Variants in PARD3B observed in about 807,000 individuals in gnomAD.
PARD3B encodes par-3 family cell polarity regulator beta.
Under a neutral mutation model 130.2 loss-of-function variants are expected in PARD3B, and 103 were observed. That is an observed-to-expected ratio of 0.79 (90% CI 0.67 to 0.93). The LOEUF is 0.93. Ranked by LOEUF, PARD3B falls within the 40% of genes least tolerant of loss-of-function variation. The pLI, the probability that PARD3B is intolerant of heterozygous loss-of-function variation, is 0.00. For missense variants in PARD3B, 1,609 were observed against 1,499.2 expected, an observed-to-expected ratio of 1.07 and a Z score of -1.21; for synonymous variants, 583 against 553.2, an observed-to-expected ratio of 1.05 and a Z score of -0.76.
chr2:204,947,030 G>C (rs2125816043), intron 2 of PARD3B, among the ~76,000 whole-genome samples: 1 of 152,286 alleles, frequency 6.6e-6, no homozygotes, highest in South Asian at 2.1e-4. Context: ...ACTTTGGGAA[G>C]GGCAGTCTGC....
At chr2:204,684,131 C>G (rs1457591338) in intron 1 of PARD3B, among the ~76,000 whole-genome samples, 5 of 152,072 alleles carry the variant, frequency 3.3e-5, no homozygotes, top group South Asian at 2.1e-4. Flanking sequence ...GTTTCCACCT[C>G]TAGGCAGGAA....
chr2:205,074,656 A>T (rs1223106183), intron 4 of PARD3B, among the ~76,000 whole-genome samples: 1 of 152,198 alleles, frequency 6.6e-6, no homozygotes, highest in Non-Finnish European at 1.5e-5. Context: ...CAGCTGTGGC[A>T]TAGTACAATG....
At chr2:205,033,747 C>A (rs976024924) in intron 3 of PARD3B, among the ~76,000 whole-genome samples, 3 of 152,094 alleles carry the variant, frequency 2.0e-5, no homozygotes, top group Non-Finnish European at 4.4e-5. Context: ...AACTATTATC[C>A]CTTTAGCTAT....
chr2:204,616,811 G>T (rs921405612), intron 1 of PARD3B, among the ~76,000 whole-genome samples: 7 of 152,166 alleles, frequency 4.6e-5, no homozygotes, highest in African/African-American at 1.7e-4. Flanking sequence ...GTGTAGTGGT[G>T]TGTGTCTCTT....
chr2:205,177,710 A>G lies in PARD3B; in HGVS notation c.1924+1133A>G, dbSNP rs140585566. On this transcript the variant is annotated intron_variant, in intron 13 of 22. Coordinates refer to ENST00000406610, the MANE Select transcript of PARD3B (RefSeq NM_001302769.2). ...GTTGTTTTTTCCACAGAATTCCTCC[A>G]TTTTAGCAAGAGTAGTAGCAACAGC... Among the ~76,000 whole-genome samples the G allele has an allele frequency of 4.5e-3, 679 of 152,252 alleles. 3 individuals are homozygous for G. Among genetic ancestry groups the G allele is most frequent in the Middle Eastern group, 0.017 (5 of 294 alleles).
chr2:205,510,345 T>C (rs977309014), intron 21 of PARD3B, among the ~76,000 whole-genome samples: 2 of 152,218 alleles, frequency 1.3e-5, no homozygotes, highest in South Asian at 4.1e-4. Context: ...TCTTAGTTAT[T>C]ATTGGAGCTC....
At chr2:204,761,139 T>C (rs2040880224) in intron 2 of PARD3B, among the ~76,000 whole-genome samples, 1 of 152,238 alleles carries the variant, frequency 6.6e-6, no homozygotes. Context: ...GGAGCTGGGA[T>C]GCAAACCTAA....
intron 1 of PARD3B, among the ~76,000 whole-genome samples, chr2:204,679,992 T>C (rs2036748196): frequency 6.6e-6 from 1 of 152,048 alleles, no homozygotes; most frequent in African/African-American, 2.4e-5. Context: ...TACCTACATA[T>C]CCATGAGAAA....
At chr2:204,956,516 T>TTGTGTGTGTG (rs113818336) in intron 2 of PARD3B, among the ~76,000 whole-genome samples, 60 of 148,226 alleles carry the variant, frequency 4.0e-4, no homozygotes, top group African/African-American at 1.2e-3. Flanking sequence ...GAAAAACTAC[T>TTGTGTGTGTG]TGTGTGTGTG....
chr2:205,021,819 C>G lies in PARD3B; in HGVS notation c.395-25762C>G, dbSNP rs555164230. On this transcript the variant is annotated intron_variant, in intron 3 of 22. Coordinates refer to ENST00000406610, the MANE Select transcript of PARD3B (RefSeq NM_001302769.2). This position sits in a 1 kb window ranked among gnomAD's most constrained non-coding sequence, Gnocchi z 4.5. ...GGCAGAAACACAGGGAACTCAGGTC[C>G]CTTGGATTCTGTAGCACTGGTTTTA... Among the ~76,000 whole-genome samples the G allele has an allele frequency of 6.6e-6, 1 of 152,144 alleles. No homozygotes were observed. Among genetic ancestry groups the G allele is most frequent in the African/African-American group, 2.4e-5 (1 of 41,518 alleles).
intron 2 of PARD3B, among the ~76,000 whole-genome samples, chr2:204,914,866 C>T (rs1320145990): frequency 1.3e-5 from 2 of 152,168 alleles, no homozygotes; most frequent in African/African-American, 4.8e-5. Flanking sequence ...AGCCTCCAAG[C>T]TCCAGATCCC....
At chr2:205,375,321 A>G (rs1404511331) in intron 18 of PARD3B, among the ~76,000 whole-genome samples, 1 of 152,238 alleles carries the variant, frequency 6.6e-6, no homozygotes, top group Non-Finnish European at 1.5e-5. Context: ...ATAGAGATGA[A>G]TACTTCATTT....
Position 205,440,762 on chromosome 2 carries a change from C to A in PARD3B, c.3044+90C>A. 1 of 1,340,956 alleles carries A rather than the reference C, an allele frequency of 7.5e-7. No homozygotes were observed. Among genetic ancestry groups the A allele is most frequent in the South Asian group, 1.4e-5 (1 of 70,098 alleles). 83.1% of individuals were successfully genotyped at this position (1,340,956 alleles called of 1,614,324 possible). On this transcript the variant is annotated intron_variant, in intron 20 of 22. Transcript: ENST00000406610. The surrounding 1 kb of genome is among the most constrained non-coding windows in gnomAD (Gnocchi z 4.2). ...TGAAACCGATAAAAAATGTCTCCTT[C>A]AATCAATTAAAACTGAAACGAGTCA...
intron 2 of PARD3B, among the ~76,000 whole-genome samples, chr2:204,837,555 G>C (rs958702271): frequency 1.3e-5 from 2 of 151,888 alleles, no homozygotes; most frequent in Non-Finnish European, 2.9e-5. Context: ...AAATAGCTGG[G>C]ATTACAGGCA....
intron 2 of PARD3B, among the ~76,000 whole-genome samples, chr2:204,818,496 A>G (rs2043220958): frequency 6.6e-6 from 1 of 152,184 alleles, no homozygotes; most frequent in African/African-American, 2.4e-5. Context: ...ATGTTAGTGT[A>G]GTTTCAGTAA....
intron 15 of PARD3B, among the ~76,000 whole-genome samples, chr2:205,222,966 T>C (rs2125875441): frequency 6.6e-6 from 1 of 152,292 alleles, no homozygotes; most frequent in Admixed American, 6.5e-5. Flanking sequence ...ATTGAGGTTG[T>C]CCATAAATCA....
intron 15 of PARD3B, among the ~76,000 whole-genome samples, chr2:205,228,756 A>T (rs900029342): frequency 6.6e-6 from 1 of 151,898 alleles, no homozygotes; most frequent in Non-Finnish European, 1.5e-5. Context: ...TGCTCTTTTG[A>T]GGCTGTTTTC....
intron 20 of PARD3B, among the ~76,000 whole-genome samples, chr2:205,489,500 T>TATATATATACGTATATATACAC (rs1355451885): frequency 1.7e-4 from 24 of 139,404 alleles, no homozygotes; most frequent in African/African-American, 5.6e-4. Flanking sequence ...TATGTGTGTA[T>TATATATATACGTATATATACAC]ATATATATAC....
rs1007360941 is a variant in PARD3B at position 204,678,919 on chromosome 2, C to T, written c.121-7262C>T. Among the ~76,000 whole-genome samples, 2 of 152,148 alleles carry T rather than the reference C, an allele frequency of 1.3e-5. No individual in the cohort carries two copies. Among genetic ancestry groups the T allele is most frequent in the African/African-American group, 4.8e-5 (2 of 41,434 alleles). On this transcript the variant is annotated intron_variant, in intron 1 of 22. Coordinates refer to ENST00000406610, the MANE Select transcript of PARD3B (RefSeq NM_001302769.2). The surrounding 1 kb of genome is among the most constrained non-coding windows in gnomAD (Gnocchi z 4.2). ...ATACAGATCAAGAAATAGAACATTG[C>T]CCTAGAAGCCGCTTCATGCCTCTTT...
Sources: gnomAD v4.1 joint callset for allele counts (sites outside exome capture counted in the v4.1 genomes callset) on GRCh38, gnomAD v4.1.1 for gene constraint, Gnocchi (gnomAD v3.1) non-coding constraint, MANE v1.5 for transcripts, NCBI Gene and HGNC (gene_info 2026-07-23, HGNC 2026-07-21) for gene names.